MEF2C: variants seen among roughly 807,000 people sequenced by gnomAD.
MEF2C encodes myocyte enhancer factor 2C, also known as myocyte-specific enhancer factor 2C.
In MEF2C, 6 loss-of-function variants were observed where a neutral mutation model predicts 50.5. The observed-to-expected ratio is 0.12, with a 90% CI of 0.07 to 0.23. The LOEUF is 0.23. MEF2C is among the 10% of genes least tolerant of loss of function. The pLI is 1.00. For missense variants in MEF2C, 276 were observed against 605.0 expected (o/e 0.46, Z 5.70); for synonymous variants, 183 against 228.0 (o/e 0.80, Z 1.78).
intron 3 of MEF2C, among the ~76,000 whole-genome samples, chr5:88,792,335 C>T (rs1397394615): frequency 6.6e-6 from 1 of 152,094 alleles, no homozygotes; most frequent in Non-Finnish European, 1.5e-5. Flanking sequence ...CATAAGTTTA[C>T]TGATTGACTC....
intron 1 of MEF2C, among the ~76,000 whole-genome samples, chr5:88,865,201 T>A (rs1041417434): frequency 6.6e-6 from 1 of 152,152 alleles, no homozygotes; most frequent in African/African-American, 2.4e-5. Flanking sequence ...CCACCTAACA[T>A]CAGTATTTTA....
intron 10 of MEF2C, 92 bp from the exon 11 acceptor site, chr5:88,723,017 C>T: frequency 8.9e-7 from 1 of 1,120,820 alleles, no homozygotes; most frequent in Non-Finnish European, 1.2e-6. Context: ...TAAAGACTCG[C>T]ATAGACACCA....
chr5:88,755,318 T>C (rs1774797264), intron 4 of MEF2C, among the ~76,000 whole-genome samples: 1 of 152,176 alleles, frequency 6.6e-6, no homozygotes, highest in Admixed American at 6.5e-5. Flanking sequence ...CCCTTGACCA[T>C]AGATATAATT....
intron 4 of MEF2C, among the ~76,000 whole-genome samples, chr5:88,757,975 G>A (rs997268895): frequency 1.3e-5 from 2 of 151,992 alleles, no homozygotes; most frequent in African/African-American, 2.4e-5. Flanking sequence ...CCTACTCAGC[G>A]TAATTCTACC....
intron 1 of MEF2C, 162 bp from the exon 2 acceptor site, chr5:88,824,092 G>A (rs1025747003): frequency 5.7e-6 from 5 of 872,102 alleles, no homozygotes; most frequent in Non-Finnish European, 4.3e-6. Context: ...TCACAGACAG[G>A]AGCAGATCAA....
chr5:88,799,227 G>A (rs2153032400), intron 3 of MEF2C, among the ~76,000 whole-genome samples: 1 of 152,326 alleles, frequency 6.6e-6, no homozygotes, highest in Non-Finnish European at 1.5e-5. Flanking sequence ...ATTTAAGTCT[G>A]CTGAAGCTGC....
Position 88,798,202 on chromosome 5 carries a change from G to A in MEF2C, c.258+6396C>T, listed in dbSNP as rs368766198. Among the ~76,000 whole-genome samples, 4 of 152,254 alleles carry A rather than the reference G, an allele frequency of 2.6e-5. No individual in the cohort carries two copies. The South Asian group carries it at 8.3e-4, about 32-fold the overall frequency. The stretch of plus-strand genomic sequence containing the variant: ...TGTTGGCCTGTCTTGCTAGGTTGGG[G>A]AAGTTCTCCTGGATAATATCCTGAA... On this transcript the variant is annotated intron_variant, in intron 3 of 10. Coordinates refer to ENST00000504921, the MANE Select transcript of MEF2C (RefSeq NM_002397.5).
At chr5:88,797,276 C>G (rs1217342200) in intron 3 of MEF2C, among the ~76,000 whole-genome samples, 1 of 151,956 alleles carries the variant, frequency 6.6e-6, no homozygotes, top group African/African-American at 2.4e-5. Flanking sequence ...CTTTTTAGGT[C>G]TTTAAGGACT....
intron 1 of MEF2C, chr5:88,838,817 T>G: frequency 1.2e-6 from 1 of 830,694 alleles, no homozygotes; most frequent in Non-Finnish European, 1.5e-6. Context: ...TACAGGGAAG[T>G]TTCCACTTCA....
chr5:88,783,644 T>A (rs1789364745), intron 3 of MEF2C, among the ~76,000 whole-genome samples: 1 of 151,826 alleles, frequency 6.6e-6, no homozygotes, highest in Non-Finnish European at 1.5e-5. Context: ...AAAAATAAAA[T>A]AAAATAAAAA....
intron 1 of MEF2C, among the ~76,000 whole-genome samples, chr5:88,831,607 T>C (rs76739764): frequency 0.042 from 6,445 of 152,108 alleles, 147 homozygotes; most frequent in African/African-American, 0.052. Context: ...TGGAATGTCA[T>C]TTATTTTTAT....
At chr5:88,782,328 T>C (rs1788500481) in intron 3 of MEF2C, 1 of 213,574 alleles carries the variant, frequency 4.7e-6, no homozygotes, top group Non-Finnish European at 8.0e-6. Context: ...TCGTTGGGTG[T>C]GGTGGTATGT....
At chr5:88,752,224 T>C (rs1253255434) in intron 4 of MEF2C, among the ~76,000 whole-genome samples, 181 bp from the exon 5 acceptor site, 2 of 152,234 alleles carry the variant, frequency 1.3e-5, no homozygotes, top group Non-Finnish European at 1.5e-5. Flanking sequence ...TAAATGTGCT[T>C]AGAACTCCTT....
At chr5:88,832,429 T>C (rs554280147) in intron 1 of MEF2C, among the ~76,000 whole-genome samples, 41 of 152,246 alleles carry the variant, frequency 2.7e-4, no homozygotes, top group Non-Finnish European at 5.3e-4. Flanking sequence ...AGTTAACCTT[T>C]CTTACCCTTA....
intron 6 of MEF2C, chr5:88,734,809 C>T (rs987952826): frequency 1.6e-5 from 16 of 978,968 alleles, no homozygotes; most frequent in South Asian, 1.4e-4. Context: ...TTGGAAATTA[C>T]GCCATTTTAG....
intron 3 of MEF2C, among the ~76,000 whole-genome samples, chr5:88,795,306 CTCTCT>C (rs1340216661): frequency 6.6e-6 from 1 of 152,054 alleles, no homozygotes; most frequent in Non-Finnish European, 1.5e-5. Context: ...TGTTTGTGTC[CTCTCT>C]TATTTCTTTG....
chr5:88,784,696 TC>T (rs1299870843), intron 3 of MEF2C, among the ~76,000 whole-genome samples: 1 of 152,210 alleles, frequency 6.6e-6, no homozygotes, highest in Admixed American at 6.5e-5. Context: ...ACTGAATTTA[TC>T]CTGCATGGTA....
chr5:88,831,907 GCAA>G (rs1813215091), intron 1 of MEF2C, among the ~76,000 whole-genome samples: 1 of 152,150 alleles, frequency 6.6e-6, no homozygotes, highest in East Asian at 1.9e-4. Context: ...TCTTCTGACA[GCAA>G]TCATTAAATG....
chr5:88,881,113 G>A (rs1023493301), intron 1 of MEF2C: 1 of 152,072 alleles, frequency 6.6e-6, no homozygotes, highest in Admixed American at 6.5e-5. Flanking sequence ...TGAAGTAAAG[G>A]TAACAGCCAC....
Sources: gnomAD v4.1 joint callset for allele counts (sites outside exome capture counted in the v4.1 genomes callset) on GRCh38, gnomAD v4.1.1 for gene constraint, MANE v1.5 for transcripts, NCBI Gene and HGNC (gene_info 2026-07-23, HGNC 2026-07-21) for gene names.